FNDC3B: variants seen among roughly 807,000 people sequenced by gnomAD.
FNDC3B encodes fibronectin type III domain containing 3B.
In FNDC3B, 12 loss-of-function variants were observed where a neutral mutation model predicts 151.5. The observed-to-expected ratio is 0.08, with a 90% CI of 0.05 to 0.13. FNDC3B has a LOEUF of 0.13. FNDC3B is among the 10% of genes least tolerant of loss of function. The pLI is 1.00. For synonymous variants in FNDC3B, 528 were observed against 549.0 expected (o/e 0.96, Z 0.54); for missense variants, 1,214 against 1,505.3 (o/e 0.81, Z 3.20).
intron 1 of FNDC3B, among the ~76,000 whole-genome samples, chr3:172,053,287 T>G (rs1160786774): frequency 6.6e-6 from 1 of 152,212 alleles, no homozygotes; most frequent in African/African-American, 2.4e-5. Context: ...ATTAAAAAAC[T>G]TTCCTAAGTC....
At chr3:172,243,167 T>C (rs1217457774) in intron 4 of FNDC3B, among the ~76,000 whole-genome samples, 1 of 152,212 alleles carries the variant, frequency 6.6e-6, no homozygotes, top group Non-Finnish European at 1.5e-5. Flanking sequence ...TTCAAGTCTC[T>C]AGGGAGTTCC....
At position 172,142,189 on chromosome 3, in the gene FNDC3B, C is replaced by T. The variant is rs192092541; in HGVS notation, c.187+8643C>T. On this transcript the variant is annotated intron_variant, in intron 3 of 25. Coordinates refer to ENST00000415807, the MANE Select transcript of FNDC3B (RefSeq NM_022763.4). Reference sequence around the variant, plus strand: ...TAAATAGGAGTGATTACTAAGCTTTCGCTCTTTATTATGGGTGGGCATTGA... The same window carrying T: ...TAAATAGGAGTGATTACTAAGCTTTTGCTCTTTATTATGGGTGGGCATTGA... Among the ~76,000 whole-genome samples, 90 of 152,298 alleles carry T rather than the reference C, an allele frequency of 5.9e-4. 1 individual carries two copies. The highest frequency in any genetic ancestry group is 4.7e-3 in the Admixed American group (72 of 15,296).
chr3:172,051,867 A>T (rs1452986709), intron 1 of FNDC3B, among the ~76,000 whole-genome samples: 1 of 152,102 alleles, frequency 6.6e-6, no homozygotes, highest in African/African-American at 2.4e-5. Context: ...GACTTTTTTC[A>T]TGTTTCTATT....
intron 1 of FNDC3B, among the ~76,000 whole-genome samples, chr3:172,091,819 G>C (rs1005354339): frequency 6.7e-6 from 1 of 149,818 alleles, no homozygotes; most frequent in African/African-American, 2.5e-5. Flanking sequence ...AAGAGAAATG[G>C]TCAAAATTGT....
At chr3:172,266,745 T>A (rs1728943044) in intron 6 of FNDC3B, among the ~76,000 whole-genome samples, 1 of 152,200 alleles carries the variant, frequency 6.6e-6, no homozygotes. Context: ...TTGTGTTAAG[T>A]CTTCCTCTGT....
chr3:172,392,381 T>C (rs1736053598), intron 25 of FNDC3B, among the ~76,000 whole-genome samples: 2 of 152,316 alleles, frequency 1.3e-5, no homozygotes, highest in South Asian at 4.1e-4. Flanking sequence ...GTAAACAGAA[T>C]TGGTTGTCTG....
At chr3:172,307,201 A>C in intron 9 of FNDC3B, 162 bp from the exon 10 acceptor site, 1 of 676,370 alleles carries the variant, frequency 1.5e-6, no homozygotes, top group African/African-American at 1.8e-5. Flanking sequence ...TGTTAATGCT[A>C]ACCATAGGTC....
intron 1 of FNDC3B, among the ~76,000 whole-genome samples, chr3:172,041,591 G>A (rs1296604719): frequency 2.7e-5 from 4 of 150,902 alleles, no homozygotes; most frequent in South Asian, 2.1e-4. Context: ...GACAGACCCG[G>A]AAGAAAAGGA....
At chr3:172,058,121 A>G (rs59649460) in intron 1 of FNDC3B, among the ~76,000 whole-genome samples, 5,128 of 152,286 alleles carry the variant, frequency 0.034, 276 homozygotes, top group African/African-American at 0.12. Context: ...CGTTTTAACC[A>G]CATGTTTGCA....
At chr3:172,348,657 C>T (rs1733718288) in intron 21 of FNDC3B, among the ~76,000 whole-genome samples, 1 of 152,166 alleles carries the variant, frequency 6.6e-6, no homozygotes, top group Non-Finnish European at 1.5e-5. Flanking sequence ...CCTTCTCTTT[C>T]AGAGTCTATG....
chr3:172,318,275 GCAGGT>G (rs1349450789), intron 11 of FNDC3B, among the ~76,000 whole-genome samples: 1 of 152,244 alleles, frequency 6.6e-6, no homozygotes, highest in Non-Finnish European at 1.5e-5. Flanking sequence ...GGAGCCATTA[GCAGGT>G]CAGGCCAGGC....
chr3:172,110,183 G>A (rs994278894), intron 1 of FNDC3B, among the ~76,000 whole-genome samples: 41 of 152,138 alleles, frequency 2.7e-4, no homozygotes, highest in African/African-American at 9.4e-4. Context: ...ACATTCTTCG[G>A]TACTAGAGAC....
intron 17 of FNDC3B, among the ~76,000 whole-genome samples, chr3:172,341,757 C>A (rs1283795271): frequency 6.6e-6 from 1 of 152,168 alleles, no homozygotes; most frequent in Non-Finnish European, 1.5e-5. Flanking sequence ...TGGTACCCAA[C>A]GTACACATCT....
intron 25 of FNDC3B, among the ~76,000 whole-genome samples, chr3:172,383,074 C>A (rs1472931536): frequency 6.6e-6 from 1 of 152,148 alleles, no homozygotes; most frequent in Non-Finnish European, 1.5e-5. Context: ...TGGCCATTTT[C>A]ACGATATTGA....
At chr3:172,104,585 T>A (rs1280724832) in intron 1 of FNDC3B, among the ~76,000 whole-genome samples, 2 of 152,136 alleles carry the variant, frequency 1.3e-5, no homozygotes, top group African/African-American at 4.8e-5. Flanking sequence ...TAAAACAACC[T>A]CTAGGTTTCT....
Position 172,137,779 on chromosome 3 carries a change from A to T in FNDC3B, c.187+4233A>T, listed in dbSNP as rs1258905079. On this transcript the variant is annotated intron_variant, in intron 3 of 25. Coordinates refer to ENST00000415807, the MANE Select transcript of FNDC3B (RefSeq NM_022763.4). ...TTCTCAATATTTCCCATGAAACATGAATCATAGGTCTTGAAGGGGCCAAAA... is the reference window on the plus strand; with the variant it reads ...TTCTCAATATTTCCCATGAAACATGTATCATAGGTCTTGAAGGGGCCAAAA... 2.6e-5 allele frequency among the ~76,000 whole-genome samples: 4 copies of T among 152,226 alleles called. No individual in the cohort carries two copies. The East Asian group carries it at 7.7e-4, about 29-fold the overall frequency.
chr3:172,328,891 T>C lies in FNDC3B; in HGVS notation c.1255-61T>C, dbSNP rs1732487678. 22 of 1,328,424 alleles carry C rather than the reference T, an allele frequency of 1.7e-5. No individual in the cohort carries two copies. The South Asian group carries it at 2.2e-4, about 14-fold the overall frequency. The allele number at this position is 1,328,424 out of a possible 1,614,324, so 82.3% of individuals were successfully genotyped here. On this transcript the variant is annotated intron_variant, in intron 11 of 25. Coordinates refer to ENST00000415807, the MANE Select transcript of FNDC3B (RefSeq NM_022763.4). ...TGTTCAAGATGCTCCTTCATTTATTTAGGGTTATCTGTTGTTTTTTTTTTT... is the reference window on the plus strand; with the variant it reads ...TGTTCAAGATGCTCCTTCATTTATTCAGGGTTATCTGTTGTTTTTTTTTTT...
rs73880103 is a variant in FNDC3B at position 172,106,450 on chromosome 3, G to A, written c.-28-6002G>A. On this transcript the variant is annotated intron_variant, in intron 1 of 25. Transcript: ENST00000415807. Reference sequence around the variant, plus strand: ...CCTCTCATCCAGGCTGGCCCGGTGGGTTTGGTTCTGATGGGTATACTTTGT... The same window carrying A: ...CCTCTCATCCAGGCTGGCCCGGTGGATTTGGTTCTGATGGGTATACTTTGT... Among the ~76,000 whole-genome samples the A allele has an allele frequency of 7.1e-3, 1,087 of 152,308 alleles. 12 individuals are homozygous for A. The highest frequency in any genetic ancestry group is 0.025 in the African/African-American group (1,040 of 41,548).
chr3:172,329,178 C>A, intron 12 of FNDC3B, 102 bp downstream of exon 12: 1 of 1,322,770 alleles, frequency 7.6e-7, no homozygotes, highest in Non-Finnish European at 1.0e-6. Context: ...TGCCTCCACA[C>A]TAAATCAACT....
Sources: gnomAD v4.1 joint callset for allele counts (sites outside exome capture counted in the v4.1 genomes callset) on GRCh38, gnomAD v4.1.1 for gene constraint, MANE v1.5 for transcripts, NCBI Gene and HGNC (gene_info 2026-07-23, HGNC 2026-07-21) for gene names.